Variants in SHANK2 observed in about 807,000 individuals in gnomAD.
SHANK2 encodes the protein SH3 and multiple ankyrin repeat domains 2, also known as SH3 and multiple ankyrin repeat domains protein 2.
A neutral mutation model predicts 133.7 loss-of-function variants in SHANK2; 43 were observed. That is an observed-to-expected ratio of 0.32 (90% CI 0.25 to 0.41). SHANK2 has a LOEUF of 0.41. SHANK2 is among the 10% of genes least tolerant of loss of function. The probability of loss-of-function intolerance (pLI) is 1.00; values close to 1 mark genes in which losing one functional copy is unlikely to be tolerated. For synonymous variants in SHANK2, 1,017 were observed against 952.8 expected (o/e 1.07, Z -1.24); for missense variants, 1,994 against 2,235.8 (o/e 0.89, Z 2.18).
At chr11:70,798,001 C>T (rs1483549428) in intron 14 of SHANK2, among the ~76,000 whole-genome samples, 1 of 152,168 alleles carries the variant, frequency 6.6e-6, no homozygotes, top group African/African-American at 2.4e-5. Flanking sequence ...GAATGGCTTC[C>T]CGTCGGAACA....
rs200592259 is a variant in SHANK2 at position 70,485,756 on chromosome 11, C to A, written c.4537G>T (p.Val1513Leu). ...HLETTSTIST[V>L]SSISTLSSEG... ...GAAGACAGGGTGGAGATGCTAGACA[C>A]GGTGGAGATAGTGCTGGTCGTCTCG... Residue 1513 changes from valine to leucine, a missense_variant, in exon 25 of 26, where the codon GTG (valine) becomes TTG (leucine). Around this residue, in one of 5 missense-constraint regions of SHANK2, gnomAD observed 797 missense variants for 907.4 expected, o/e 0.88. Transcript: ENST00000601538. This position sits in a 1 kb window ranked among gnomAD's most constrained non-coding sequence, Gnocchi z 5.8. 3.7e-6 allele frequency: 6 copies of A among 1,613,968 alleles called. No individual in the cohort carries two copies. The highest frequency in any genetic ancestry group is 4.2e-6 in the Non-Finnish European group (5 of 1,180,030).
intron 17 of SHANK2, among the ~76,000 whole-genome samples, chr11:70,638,480 G>T (rs1266636808): frequency 6.6e-6 from 1 of 152,140 alleles, no homozygotes; most frequent in African/African-American, 2.4e-5. Context: ...CTGACCCCCG[G>T]CTCCTCTGAT....
intron 11 of SHANK2, among the ~76,000 whole-genome samples, chr11:70,823,599 C>T (rs147929410): frequency 1.5e-4 from 6 of 40,328 alleles, no homozygotes; most frequent in Admixed American, 4.8e-4. Context: ...GCGTTGGCAG[C>T]GTTCACGGGG....
intron 10 of SHANK2, among the ~76,000 whole-genome samples, chr11:70,950,254 G>A (rs1555086253): frequency 6.6e-6 from 1 of 152,086 alleles, no homozygotes; most frequent in Non-Finnish European, 1.5e-5. Context: ...TCTGCTCACT[G>A]CCACCTCTGC....
chr11:70,636,851 T>C (rs1209074800), intron 17 of SHANK2, among the ~76,000 whole-genome samples: 1 of 152,116 alleles, frequency 6.6e-6, no homozygotes, highest in Non-Finnish European at 1.5e-5. Flanking sequence ...TAAGAATGTA[T>C]GTAAGCATGT....
At position 70,877,811 on chromosome 11, in the gene SHANK2, A is replaced by G. The variant is rs575084935; in HGVS notation, c.1174+18690T>C. ...CAAATATAGACACGGATAGACGGGC[A>G]CATTCTATAAATATTCCCTGCGGAG... On this transcript the variant is annotated intron_variant, in intron 11 of 25. Transcript: ENST00000601538. Among the ~76,000 whole-genome samples the G allele has an allele frequency of 3.4e-4, 52 of 152,346 alleles. 3 individuals are homozygous for G. In the South Asian group the frequency reaches 0.01, roughly 30 times the overall value.
chr11:70,934,331 TC>T (rs1555083100), intron 10 of SHANK2, among the ~76,000 whole-genome samples: 1 of 151,604 alleles, frequency 6.6e-6, no homozygotes, highest in Non-Finnish European at 1.5e-5. Context: ...ACACTCAGGT[TC>T]CTCACCCCAG....
At chr11:71,229,765 GAAAAAAAAAA>G (rs55730780) in intron 1 of SHANK2, among the ~76,000 whole-genome samples, 2 of 116,536 alleles carry the variant, frequency 1.7e-5, no homozygotes, top group Admixed American at 9.3e-5. Flanking sequence ...TCTCAAAAAA[GAAAAAAAAAA>G]AAAAAAAGAA....
rs1019562379 is a variant in SHANK2, at chr11:70,739,261, C to T, written c.1778-40498G>A. 3.3e-5 allele frequency among the ~76,000 whole-genome samples: 5 copies of T among 152,286 alleles called. No homozygotes were observed. Among genetic ancestry groups the T allele is most frequent in the East Asian group, 1.9e-4 (1 of 5,178 alleles). ...GGCACACAAAGCCCAGACGCAGACC[C>T]GGGGCATCTCCCATCTCCACCCATC... On this transcript the variant is annotated intron_variant, in intron 14 of 25. Transcript: ENST00000601538. This position sits in a 1 kb window ranked among gnomAD's most constrained non-coding sequence, Gnocchi z 4.3.
In SHANK2 at chr11:70,487,650, C is replaced by T. The variant is rs781972643; in HGVS notation, c.2643G>A (p.Pro881=). Residue 881 remains proline, a synonymous_variant, in exon 25 of 26, where the codon CCG becomes CCA. Coordinates refer to ENST00000601538, the MANE Select transcript of SHANK2 (RefSeq NM_012309.5). This position sits in a 1 kb window ranked among gnomAD's most constrained non-coding sequence, Gnocchi z 5.8. ...GAGGGGGGATGTCCTCAGAGGTGTC[C>T]GGCATGGACAGGCTTCTGGTGAACT... ...MLKFTRSLSM[P]DTSEDIPPPP... 1.1e-5 allele frequency: 17 copies of T among 1,597,968 alleles called. No individual in the cohort carries two copies. The highest frequency in any genetic ancestry group is 1.3e-5 in the Non-Finnish European group (15 of 1,172,272).
intron 11 of SHANK2, 26 bp downstream of exon 11, chr11:70,896,473 AAC>A (rs1176312966): frequency 5.7e-6 from 4 of 704,498 alleles, no homozygotes; most frequent in African/African-American, 3.5e-5. Flanking sequence ...ACCAAATCCC[AAC>A]ACAGTTTCTC....
intron 2 of SHANK2, among the ~76,000 whole-genome samples, chr11:71,166,664 G>A (rs1440583513): frequency 6.6e-6 from 1 of 151,058 alleles, no homozygotes; most frequent in Non-Finnish European, 1.5e-5. Context: ...GTATTTTTTA[G>A]TAGAGACAGG....
intron 3 of SHANK2, among the ~76,000 whole-genome samples, chr11:71,143,510 A>G (rs1952593120): frequency 6.6e-6 from 1 of 152,196 alleles, no homozygotes; most frequent in South Asian, 2.1e-4. Context: ...TCTTGTAAAC[A>G]AGCGTCTGAC....
intron 11 of SHANK2, among the ~76,000 whole-genome samples, chr11:70,877,465 T>A (rs1246487784): frequency 6.6e-6 from 1 of 152,244 alleles, no homozygotes; most frequent in East Asian, 1.9e-4. Flanking sequence ...TGGAACTGAA[T>A]GAAGCCACCG....
At position 70,726,468 on chromosome 11, in the gene SHANK2, G is replaced by A. The variant is rs533734692; in HGVS notation, c.1778-27705C>T. ...GCCCTGAAGCTGTTCTGAGTCTGGT[G>A]TGGGTGGGTGGGGTGGGCAGATAAA... On this transcript the variant is annotated intron_variant, in intron 14 of 25. Coordinates refer to ENST00000601538, the MANE Select transcript of SHANK2 (RefSeq NM_012309.5). Among the ~76,000 whole-genome samples, 10 of 151,110 alleles carry A rather than the reference G, an allele frequency of 6.6e-5. No homozygotes were observed. The East Asian group carries it at 1.2e-3, about 18-fold the overall frequency.
At chr11:70,773,380 G>A (rs1555043277) in intron 14 of SHANK2, among the ~76,000 whole-genome samples, 1 of 152,192 alleles carries the variant, frequency 6.6e-6, no homozygotes, top group Admixed American at 6.5e-5. Context: ...GGCGACAAAT[G>A]TCACACATCT....
At chr11:70,901,477 T>A (rs1555076754) in intron 10 of SHANK2, among the ~76,000 whole-genome samples, 3 of 152,174 alleles carry the variant, frequency 2.0e-5, no homozygotes. Flanking sequence ...TTCAGAGCCC[T>A]AGAGGCCTGG....
At chr11:70,531,716 C>T (rs1379997784) in intron 17 of SHANK2, among the ~76,000 whole-genome samples, 2 of 152,106 alleles carry the variant, frequency 1.3e-5, no homozygotes, top group Non-Finnish European at 2.9e-5. Context: ...GGTAGGAGCG[C>T]AGAGACACTG....
chr11:71,084,562 TAGAA>T (rs1291387344), intron 8 of SHANK2, among the ~76,000 whole-genome samples: 1 of 152,166 alleles, frequency 6.6e-6, no homozygotes, highest in Non-Finnish European at 1.5e-5. Flanking sequence ...CTCCAGGTGC[TAGAA>T]CAGAGACACA....
Sources: allele counts gnomAD v4.1 joint callset (sites outside exome capture counted in the v4.1 genomes callset), GRCh38; gene constraint gnomAD v4.1.1; regional missense constraint gnomAD v4.1.1; non-coding constraint Gnocchi (gnomAD v3.1); transcripts MANE v1.5; gene names NCBI Gene and HGNC (gene_info 2026-07-23, HGNC 2026-07-21).